The following MAGI2 variants were observed in gnomAD, a reference collection of about 807,000 sequenced individuals.
The protein encoded by MAGI2 is membrane associated guanylate kinase, WW and PDZ domain containing 2.
In MAGI2, 35 loss-of-function variants were observed where a neutral mutation model predicts 133.3. The observed-to-expected ratio is 0.26, with a 90% CI of 0.20 to 0.35. The LOEUF (loss-of-function observed/expected upper bound fraction) is 0.35. MAGI2 is among the 10% of genes least tolerant of loss of function. The pLI, the probability that MAGI2 is intolerant of heterozygous loss-of-function variation, is 1.00. For missense variants in MAGI2, 1,636 were observed against 1,863.4 expected (o/e 0.88, Z 2.25); for synonymous variants, 729 against 710.6 (o/e 1.03, Z -0.41).
At chr7:78,678,724 G>C (rs1223283984) in intron 2 of MAGI2, among the ~76,000 whole-genome samples, 2 of 151,954 alleles carry the variant, frequency 1.3e-5, no homozygotes, top group African/African-American at 4.8e-5. Flanking sequence ...ACCAATCACA[G>C]GACAGCTTTA....
At chr7:79,375,953 T>A (rs1843350233) in intron 1 of MAGI2, among the ~76,000 whole-genome samples, 1 of 151,938 alleles carries the variant, frequency 6.6e-6, no homozygotes, top group Non-Finnish European at 1.5e-5. Context: ...TGCATAACAA[T>A]CGTATTGTTG....
At chr7:78,699,929 C>T (rs1817896521) in intron 2 of MAGI2, among the ~76,000 whole-genome samples, 1 of 151,854 alleles carries the variant, frequency 6.6e-6, no homozygotes, top group African/African-American at 2.4e-5. Context: ...TGTAAGTCCC[C>T]CATTTGAGAA....
At chr7:78,936,526 A>G (rs758122460) in intron 2 of MAGI2, among the ~76,000 whole-genome samples, 9 of 152,130 alleles carry the variant, frequency 5.9e-5, no homozygotes, top group African/African-American at 1.7e-4. Flanking sequence ...TTCAACTAAT[A>G]TATTTGAAAT....
At chr7:79,061,579 AAAG>A (rs1813742416) in intron 1 of MAGI2, among the ~76,000 whole-genome samples, 1 of 152,132 alleles carries the variant, frequency 6.6e-6, no homozygotes, top group South Asian at 2.1e-4. Context: ...AAGAAGAAAA[AAAG>A]AAGATGTGAT....
At chr7:79,000,911 A>ATGTTCACC (rs921722082) in intron 2 of MAGI2, among the ~76,000 whole-genome samples, 6 of 152,174 alleles carry the variant, frequency 3.9e-5, no homozygotes, top group African/African-American at 1.4e-4. Flanking sequence ...TCCCAAATCT[A>ATGTTCACC]TGTTCACCTT....
intron 1 of MAGI2, among the ~76,000 whole-genome samples, chr7:79,277,712 C>T (rs1022268550): frequency 1.3e-5 from 2 of 152,168 alleles, no homozygotes; most frequent in Admixed American, 6.5e-5. Flanking sequence ...TTCTTCCTCA[C>T]TATAGGCCCT....
chr7:79,240,643 C>T (rs1293687524), intron 1 of MAGI2, among the ~76,000 whole-genome samples: 6 of 152,114 alleles, frequency 3.9e-5, no homozygotes, highest in African/African-American at 1.4e-4. Context: ...ATTTTTGTCT[C>T]CTTCCAACTT....
At chr7:78,161,376 A>G (rs923605491) in intron 15 of MAGI2, among the ~76,000 whole-genome samples, 4 of 152,184 alleles carry the variant, frequency 2.6e-5, no homozygotes, top group African/African-American at 9.7e-5. Context: ...GTAATTAGAA[A>G]TAGGGTTGCT....
chr7:78,028,287 A>G (rs1015312069), intron 21 of MAGI2, among the ~76,000 whole-genome samples: 1 of 152,242 alleles, frequency 6.6e-6, no homozygotes, highest in African/African-American at 2.4e-5. Context: ...TGTAAACTAG[A>G]TGTTATGAAC....
At chr7:78,678,990 C>T (rs960716418) in intron 2 of MAGI2, among the ~76,000 whole-genome samples, 60 of 152,170 alleles carry the variant, frequency 3.9e-4, no homozygotes, top group Admixed American at 2.3e-3. Context: ...AATGATATAA[C>T]TGATAAACTT....
At chr7:78,275,479 TGACAGAATTACTC>T (rs1794973073) in intron 9 of MAGI2, among the ~76,000 whole-genome samples, 1 of 33,928 alleles carries the variant, frequency 2.9e-5, no homozygotes, top group African/African-American at 6.9e-4. Flanking sequence ...AATCACTCAG[TGACAGAATTACTC>T]AGTGACAGAA....
intron 1 of MAGI2, among the ~76,000 whole-genome samples, chr7:79,055,719 G>A (rs1005467416): frequency 1.6e-4 from 25 of 152,250 alleles, no homozygotes; most frequent in African/African-American, 5.8e-4. Flanking sequence ...CTAGAACACT[G>A]CATGCAACTA....
intron 1 of MAGI2, among the ~76,000 whole-genome samples, chr7:79,009,344 G>C (rs1408899092): frequency 6.6e-6 from 1 of 151,458 alleles, no homozygotes; most frequent in Non-Finnish European, 1.5e-5. Context: ...TAGAAGAACT[G>C]TCGAAACTTT....
intron 2 of MAGI2, among the ~76,000 whole-genome samples, chr7:78,960,268 A>T (rs185394434): frequency 4.2e-4 from 64 of 152,264 alleles, no homozygotes; most frequent in African/African-American, 1.3e-3. Context: ...TTTGCAAAAA[A>T]GTCACATATT....
Position 78,498,818 on chromosome 7 carries a change from C to T in MAGI2, c.965+2759G>A, listed in dbSNP as rs190886610. ...CAGTCTATGGAGGAACCTTAGCAGG[C>T]GTCGTAGACTACCTCGATCCTGCCT... On this transcript the variant is annotated intron_variant, in intron 5 of 21. Transcript: ENST00000354212. Among the ~76,000 whole-genome samples the T allele has an allele frequency of 1.1e-4, 17 of 152,210 alleles. No individual in the cohort carries two copies. In the East Asian group the frequency reaches 1.6e-3, roughly 14 times the overall value.
rs533544691 is a variant in MAGI2, at chr7:78,059,485, C to A, written c.3706+19462G>T. Among the ~76,000 whole-genome samples the A allele has an allele frequency of 3.3e-5, 5 of 152,238 alleles. No homozygotes were observed. In the South Asian group the frequency reaches 1.0e-3, roughly 32 times the overall value. ...TAGGAACCCTATGCTCTAGATATAT[C>A]ATTTGCGTGTCAGCTTCAAAATCAT... On this transcript the variant is annotated intron_variant, in intron 21 of 21. Coordinates refer to ENST00000354212, the MANE Select transcript of MAGI2 (RefSeq NM_012301.4).
At chr7:78,059,906 C>T (rs1333137348) in intron 21 of MAGI2, among the ~76,000 whole-genome samples, 1 of 151,996 alleles carries the variant, frequency 6.6e-6, no homozygotes, top group Non-Finnish European at 1.5e-5. Context: ...CCCTTTTCCA[C>T]AACAGAAAGG....
At chr7:78,259,094 T>G (rs1429929075) in intron 9 of MAGI2, among the ~76,000 whole-genome samples, 1 of 152,230 alleles carries the variant, frequency 6.6e-6, no homozygotes, top group Non-Finnish European at 1.5e-5. Flanking sequence ...AGTTTTGATT[T>G]GCATTTCCCA....
At chr7:79,004,822 C>T (rs1000794597) in intron 2 of MAGI2, among the ~76,000 whole-genome samples, 1 of 152,160 alleles carries the variant, frequency 6.6e-6, no homozygotes, top group Non-Finnish European at 1.5e-5. Context: ...GTGGCTCACG[C>T]CTGTAATCCC....
Sources: gnomAD v4.1 joint callset for allele counts (sites outside exome capture counted in the v4.1 genomes callset) on GRCh38, gnomAD v4.1.1 for gene constraint, MANE v1.5 for transcripts, NCBI Gene and HGNC (gene_info 2026-07-23, HGNC 2026-07-21) for gene names.